The following ADGRV1 variants were observed in gnomAD, a reference collection of about 807,000 sequenced individuals.
The protein encoded by ADGRV1 is G-protein coupled receptor 98.
In ADGRV1, 359 loss-of-function variants were observed where a neutral mutation model predicts 596.2. That is an observed-to-expected ratio of 0.60 (90% CI 0.55 to 0.66). The LOEUF (loss-of-function observed/expected upper bound fraction) is 0.66, where lower values mean the gene tolerates loss of function less well. ADGRV1 is among the 30% of genes least tolerant of loss of function. The pLI, the probability that ADGRV1 is intolerant of heterozygous loss-of-function variation, is 0.00. For missense variants in ADGRV1, 7,274 were observed against 7,575.6 expected (o/e 0.96, Z 1.48); for synonymous variants, 2,681 against 2,679.2 (o/e 1.00, Z -0.02).
At chr5:90,832,837 A>G (rs564592974) in intron 77 of ADGRV1, among the ~76,000 whole-genome samples, 1 of 152,290 alleles carries the variant, frequency 6.6e-6, no homozygotes, top group Non-Finnish European at 1.5e-5. Flanking sequence ...ATTTCCCGGA[A>G]CCATTTATTG....
At chr5:90,710,038 G>C (rs1019592392) in intron 39 of ADGRV1, among the ~76,000 whole-genome samples, 2 of 152,254 alleles carry the variant, frequency 1.3e-5, no homozygotes. Flanking sequence ...TCAATGGTGT[G>C]GTCTGATTTT....
At chr5:90,809,108 C>T (rs1428790937) in intron 73 of ADGRV1, among the ~76,000 whole-genome samples, 1 of 151,818 alleles carries the variant, frequency 6.6e-6, no homozygotes, top group African/African-American at 2.4e-5. Context: ...AGGCACCTGC[C>T]ACCGTGCCCT....
intron 83 of ADGRV1, among the ~76,000 whole-genome samples, chr5:90,895,651 G>A (rs35381887): frequency 0.24 from 36,382 of 152,000 alleles, 5,543 homozygotes; most frequent in East Asian, 0.5. Context: ...AATATCTGTC[G>A]CCTTTTCAGC....
At chr5:90,893,122 C>T (rs1031649916) in intron 83 of ADGRV1, among the ~76,000 whole-genome samples, 5 of 152,130 alleles carry the variant, frequency 3.3e-5, no homozygotes, top group South Asian at 2.1e-4. Context: ...GTTGCTCTCA[C>T]TATCAGTGAG....
chr5:91,028,896 G>A (rs1784254527), intron 85 of ADGRV1, among the ~76,000 whole-genome samples: 1 of 151,872 alleles, frequency 6.6e-6, no homozygotes, highest in African/African-American at 2.4e-5. Context: ...ACCTCACCAT[G>A]TGGCTAAGTT....
At chr5:90,964,497 C>T (rs1164155501) in intron 83 of ADGRV1, among the ~76,000 whole-genome samples, 2 of 152,138 alleles carry the variant, frequency 1.3e-5, no homozygotes, top group South Asian at 2.1e-4. Context: ...CCCCTGCCAT[C>T]TACACTCATC....
At chr5:91,033,186 G>A (rs529566380) in intron 85 of ADGRV1, among the ~76,000 whole-genome samples, 182 of 152,062 alleles carry the variant, frequency 1.2e-3, no homozygotes, top group Non-Finnish European at 2.2e-3. Context: ...TTACTAATTT[G>A]TATGGTTTTT....
In ADGRV1 at chr5:90,988,689, G is replaced by A. The variant is rs866588527; in HGVS notation, c.18152+3167G>A. On this transcript the variant is annotated intron_variant, in intron 85 of 89. Coordinates refer to ENST00000405460, the MANE Select transcript of ADGRV1 (RefSeq NM_032119.4). ...AAGTTTTAGGGTACATGTGCACAAC[G>A]TGCAGGTTAGTTACATATGTATACA... Among the ~76,000 whole-genome samples, 362 of 151,544 alleles carry A rather than the reference G, an allele frequency of 2.4e-3. 1 individual carries two copies. Among genetic ancestry groups the A allele is most frequent in the African/African-American group, 8.2e-3 (340 of 41,280 alleles).
At chr5:90,980,519 A>AG (rs1779993953) in intron 84 of ADGRV1, among the ~76,000 whole-genome samples, 1 of 152,226 alleles carries the variant, frequency 6.6e-6, no homozygotes, top group African/African-American at 2.4e-5. Context: ...CTACATTGTG[A>AG]GGGTGGGTGG....
intron 21 of ADGRV1, among the ~76,000 whole-genome samples, chr5:90,667,343 C>T (rs1258270883): frequency 1.2e-4 from 18 of 144,642 alleles, no homozygotes; most frequent in Admixed American, 5.7e-4. Flanking sequence ...CTTCCCTTCT[C>T]GCTTCATTTC....
At chr5:90,577,969 TGA>T (rs1461511952) in intron 1 of ADGRV1, among the ~76,000 whole-genome samples, 3 of 152,238 alleles carry the variant, frequency 2.0e-5, no homozygotes, top group Non-Finnish European at 4.4e-5. Flanking sequence ...TTTTGTATCC[TGA>T]GACTTTGCTG....
At chr5:90,571,085 G>T (rs1459643443) in intron 1 of ADGRV1, among the ~76,000 whole-genome samples, 1 of 151,878 alleles carries the variant, frequency 6.6e-6, no homozygotes, top group Non-Finnish European at 1.5e-5. Context: ...TGATTTTATT[G>T]TTGTTTGTTT....
At chr5:90,581,490 A>G (rs1381614933) in intron 1 of ADGRV1, among the ~76,000 whole-genome samples, 2 of 152,042 alleles carry the variant, frequency 1.3e-5, no homozygotes, top group African/African-American at 4.8e-5. Context: ...TCTGTTTGTG[A>G]GTTTTCCTTC....
Position 90,849,144 on chromosome 5 carries a change from T to G in ADGRV1, c.17204+323T>G, listed in dbSNP as rs555683468. Among the ~76,000 whole-genome samples, 158 of 152,270 alleles carry G rather than the reference T, an allele frequency of 1.0e-3. 1 individual carries two copies. The highest frequency in any genetic ancestry group is 3.6e-3 in the African/African-American group (148 of 41,554). On this transcript the variant is annotated intron_variant, in intron 79 of 89. Transcript: ENST00000405460. ...AAAAAAAAAGAGAGATTACAGCCTTTAGGAGTGTTTTGATGTGTTATTAAT... is the reference window on the plus strand; with the variant it reads ...AAAAAAAAAGAGAGATTACAGCCTTGAGGAGTGTTTTGATGTGTTATTAAT...
At chr5:90,702,403 C>A (rs1435970938) in intron 34 of ADGRV1, among the ~76,000 whole-genome samples, 2 of 151,592 alleles carry the variant, frequency 1.3e-5, no homozygotes, top group Non-Finnish European at 3.0e-5. Flanking sequence ...TTTTAAGAAG[C>A]CTTTCTAATG....
intron 29 of ADGRV1, 48 bp downstream of exon 29, chr5:90,686,043 C>T (rs1429842936): frequency 8.2e-7 from 1 of 1,214,978 alleles, no homozygotes; most frequent in Non-Finnish European, 1.1e-6. Flanking sequence ...GATGTAAGCA[C>T]AGAGGGACAT....
chr5:90,625,073 T>C (rs1297353366), intron 5 of ADGRV1, 57 bp from the exon 6 acceptor site: 5 of 997,642 alleles, frequency 5.0e-6, no homozygotes, highest in Non-Finnish European at 7.7e-6. Context: ...CAATGATGCT[T>C]TCTCAGTCTT....
At chr5:90,865,563 A>G (rs1768014311) in intron 83 of ADGRV1, among the ~76,000 whole-genome samples, 3 of 152,162 alleles carry the variant, frequency 2.0e-5, no homozygotes, top group Admixed American at 1.3e-4. Flanking sequence ...ATATTTTTAG[A>G]ATACATGAAA....
chr5:90,833,327 C>T lies in ADGRV1; in HGVS notation c.16611+4141C>T, dbSNP rs141724273. The stretch of plus-strand genomic sequence containing the variant: ...TGAGATAGGGTCTTGATCTTTTGCC[C>T]AGGCTGGAGTGCTGTGGTGTGATCA... On this transcript the variant is annotated intron_variant, in intron 77 of 89. Transcript: ENST00000405460. Among the ~76,000 whole-genome samples the T allele has an allele frequency of 7.2e-5, 11 of 152,200 alleles. No individual in the cohort carries two copies. In the East Asian group the frequency reaches 1.5e-3, roughly 21 times the overall value.
Sources: allele counts gnomAD v4.1 joint callset (sites outside exome capture counted in the v4.1 genomes callset), GRCh38; gene constraint gnomAD v4.1.1; transcripts MANE v1.5; gene names NCBI Gene and HGNC (gene_info 2026-07-23, HGNC 2026-07-21).